Variants in ETNK1 observed in about 807,000 individuals in gnomAD.
ETNK1 encodes the protein putative protein product of Nbla10396.
A neutral mutation model predicts 45.1 loss-of-function variants in ETNK1; 8 were observed. That is an observed-to-expected ratio of 0.18 (90% CI 0.10 to 0.32). ETNK1 has a LOEUF of 0.32. ETNK1 is among the 10% of genes least tolerant of loss of function. The probability of loss-of-function intolerance (pLI) is 1.00; values close to 1 mark genes in which losing one functional copy is unlikely to be tolerated. For synonymous variants in ETNK1, 152 were observed against 151.9 expected (o/e 1.00, Z -0.01); for missense variants, 302 against 430.6 (o/e 0.70, Z 2.64).
chr12:22,655,710 C>G (rs145535259), intron 2 of ETNK1, among the ~76,000 whole-genome samples: 4 of 152,226 alleles, frequency 2.6e-5, no homozygotes, highest in East Asian at 3.9e-4. Context: ...TTAAATAGAT[C>G]AAATTTTTTG....
intron 2 of ETNK1, among the ~76,000 whole-genome samples, chr12:22,647,605 T>G (rs1953823119): frequency 6.6e-6 from 1 of 151,860 alleles, no homozygotes; most frequent in South Asian, 2.1e-4. Context: ...AAAATCAGCT[T>G]AAAAAATAGC....
At chr12:22,682,405 GA>G (rs1954222634) in intron 6 of ETNK1, 1 of 316,344 alleles carries the variant, frequency 3.2e-6, no homozygotes, top group Admixed American at 4.0e-5. Flanking sequence ...ACTCTAGTTT[GA>G]TAACTCTAGT....
intron 2 of ETNK1, among the ~76,000 whole-genome samples, chr12:22,653,547 T>G (rs1323620440): frequency 6.6e-6 from 1 of 152,160 alleles, no homozygotes; most frequent in Non-Finnish European, 1.5e-5. Context: ...TTTATTATTT[T>G]CAGTTTACAA....
At chr12:22,640,593 G>A (rs1006488596) in intron 1 of ETNK1, among the ~76,000 whole-genome samples, 1 of 151,906 alleles carries the variant, frequency 6.6e-6, no homozygotes, top group Non-Finnish European at 1.5e-5. Flanking sequence ...AAATTTAAAT[G>A]TATCATTGGC....
chr12:22,682,584 G>C (rs1413338619), intron 6 of ETNK1, among the ~76,000 whole-genome samples: 2 of 152,064 alleles, frequency 1.3e-5, no homozygotes, highest in Non-Finnish European at 2.9e-5. Flanking sequence ...CAGAATACTA[G>C]AGCACGTACT....
chr12:22,677,769 C>A (rs935130791), intron 6 of ETNK1, among the ~76,000 whole-genome samples: 2 of 152,160 alleles, frequency 1.3e-5, no homozygotes, highest in Non-Finnish European at 2.9e-5. Context: ...CTCTTCGCAG[C>A]AATTGTGAAT....
intron 3 of ETNK1, among the ~76,000 whole-genome samples, chr12:22,660,051 A>T (rs1009815702): frequency 4.6e-5 from 7 of 151,776 alleles, no homozygotes; most frequent in African/African-American, 1.4e-4. Flanking sequence ...AAAAAAAAAA[A>T]AAAACACCGC....
chr12:22,672,590 A>T (rs1954120465), intron 5 of ETNK1, among the ~76,000 whole-genome samples: 1 of 152,230 alleles, frequency 6.6e-6, no homozygotes, highest in East Asian at 1.9e-4. Context: ...ACTGCCGTGG[A>T]TATGAAATAG....
intron 2 of ETNK1, among the ~76,000 whole-genome samples, chr12:22,646,417 G>C (rs1216335814): frequency 6.6e-6 from 1 of 151,766 alleles, no homozygotes; most frequent in Non-Finnish European, 1.5e-5. Context: ...GGTTAAAGAT[G>C]TAAATTTGGG....
chr12:22,642,356 A>C (rs1592117661), intron 1 of ETNK1, among the ~76,000 whole-genome samples: 1 of 152,120 alleles, frequency 6.6e-6, no homozygotes, highest in African/African-American at 2.4e-5. Flanking sequence ...GATAAAAAAT[A>C]GTCATTTTAA....
intron 6 of ETNK1, among the ~76,000 whole-genome samples, chr12:22,680,893 CCCG>C (rs201259532): frequency 0.14 from 7,141 of 49,940 alleles, 1,149 homozygotes; most frequent in African/African-American, 0.28. Context: ...CTTTTCTTCC[CCCG>C]CCCCCCCCTC....
intron 2 of ETNK1, among the ~76,000 whole-genome samples, chr12:22,652,860 A>G (rs1202429855): frequency 6.6e-6 from 1 of 151,862 alleles, no homozygotes; most frequent in Admixed American, 6.6e-5. Flanking sequence ...GTTTATTTTT[A>G]CTTTTGTTGC....
In ETNK1 at chr12:22,671,367, G is replaced by T; in HGVS notation, c.784+12G>T. 1 of 1,468,866 alleles carries T rather than the reference G, an allele frequency of 6.8e-7. No individual in the cohort carries two copies. Among genetic ancestry groups the T allele is most frequent in the East Asian group, 2.3e-5 (1 of 44,110 alleles). The allele number at this position is 1,468,866 out of a possible 1,614,324, so 91.0% of individuals were successfully genotyped here. A position where few individuals can be genotyped will look rare whatever the true frequency, so the allele number is the denominator to read the frequency against. ...CAATGAATTTGCAGGTATAACTAATGGAGTAACTTATTTAGCTTTGAAACG... is the reference window on the plus strand; with the variant it reads ...CAATGAATTTGCAGGTATAACTAATTGAGTAACTTATTTAGCTTTGAAACG... On this transcript the variant is annotated intron_variant, in intron 5 of 7. Transcript: ENST00000266517.
chr12:22,683,894 A>T (rs547520088), intron 6 of ETNK1, among the ~76,000 whole-genome samples: 3 of 152,176 alleles, frequency 2.0e-5, no homozygotes, highest in Admixed American at 6.6e-5. Context: ...TAAAGCACAC[A>T]TAATTATTTT....
intron 2 of ETNK1, among the ~76,000 whole-genome samples, chr12:22,654,027 G>A (rs1392572983): frequency 6.6e-6 from 1 of 152,182 alleles, no homozygotes; most frequent in East Asian, 1.9e-4. Context: ...CAATGAAATA[G>A]TATTAAGAGG....
In ETNK1 at chr12:22,674,796, T is replaced by A. The variant is rs1032318033; in HGVS notation, c.945+1136T>A. Among the ~76,000 whole-genome samples, 21 of 152,238 alleles carry A rather than the reference T, an allele frequency of 1.4e-4. 1 individual carries two copies. Among genetic ancestry groups the A allele is most frequent in the African/African-American group, 5.1e-4 (21 of 41,454 alleles). ...TTTGGATTTCCTTGCAAACTTTTGA[T>A]GACATTTAAGATTTTTGGGGGATAC... is the stretch of plus-strand genomic sequence containing the variant. On this transcript the variant is annotated intron_variant, in intron 6 of 7. Transcript: ENST00000266517.
intron 1 of ETNK1, chr12:22,625,924 C>T: frequency 1.7e-6 from 1 of 575,780 alleles, no homozygotes; most frequent in South Asian, 1.5e-5. Flanking sequence ...TTTCCACTCC[C>T]CTTGCACGGG....
At chr12:22,627,607 G>A (rs1416078437) in intron 1 of ETNK1, among the ~76,000 whole-genome samples, 2 of 151,870 alleles carry the variant, frequency 1.3e-5, no homozygotes, top group Non-Finnish European at 2.9e-5. Context: ...AAATCTCAAA[G>A]GAAATATTTT....
intron 1 of ETNK1, among the ~76,000 whole-genome samples, chr12:22,639,786 A>G (rs1448874486): frequency 6.6e-6 from 1 of 152,314 alleles, no homozygotes; most frequent in East Asian, 1.9e-4. Flanking sequence ...TGTTTCGTGA[A>G]ATCAGGAGGT....
Sources: allele counts gnomAD v4.1 joint callset (sites outside exome capture counted in the v4.1 genomes callset), GRCh38; gene constraint gnomAD v4.1.1; transcripts MANE v1.5; gene names NCBI Gene and HGNC (gene_info 2026-07-23, HGNC 2026-07-21).